NR4A3: variants seen among roughly 807,000 people sequenced by gnomAD.
NR4A3 encodes the protein chondrosarcoma, extraskeletal myxoid, fused to EWS.
In NR4A3, 13 loss-of-function variants were observed where a neutral mutation model predicts 55.6. That is an observed-to-expected ratio of 0.23 (90% CI 0.15 to 0.37). The LOEUF (loss-of-function observed/expected upper bound fraction) is 0.37. NR4A3 is among the 10% of genes least tolerant of loss of function. The probability of loss-of-function intolerance (pLI) is 1.00; values close to 1 mark genes in which losing one functional copy is unlikely to be tolerated. For missense variants in NR4A3, 646 were observed against 822.8 expected (o/e 0.79, Z 2.63); for synonymous variants, 342 against 357.9 (o/e 0.96, Z 0.50).
intron 7 of NR4A3, among the ~76,000 whole-genome samples, chr9:99,863,254 C>A (rs1253580853): frequency 6.6e-6 from 1 of 152,304 alleles, no homozygotes; most frequent in Non-Finnish European, 1.5e-5. Flanking sequence ...ATAATAACCA[C>A]CCTGCCATTC....
chr9:99,860,919 G>C (rs1038195227), intron 7 of NR4A3, among the ~76,000 whole-genome samples: 1 of 152,180 alleles, frequency 6.6e-6, no homozygotes, highest in Non-Finnish European at 1.5e-5. Context: ...CCATGGAGTT[G>C]GGTTTTATTA....
intron 3 of NR4A3, among the ~76,000 whole-genome samples, chr9:99,832,058 T>A (rs978031874): frequency 1.3e-5 from 2 of 152,202 alleles, no homozygotes; most frequent in Non-Finnish European, 2.9e-5. Flanking sequence ...TGATTTGTAA[T>A]AACTACTTTT....
chr9:99,829,057 A>T, intron 3 of NR4A3, 64 bp downstream of exon 3: 1 of 1,272,666 alleles, frequency 7.9e-7, no homozygotes, highest in Non-Finnish European at 9.9e-7. Flanking sequence ...CTTCTAAGTG[A>T]GTGTAGGAGC....
At chr9:99,834,404 GC>G (rs1193936965) in intron 5 of NR4A3, among the ~76,000 whole-genome samples, 3 of 152,180 alleles carry the variant, frequency 2.0e-5, no homozygotes, top group African/African-American at 7.2e-5. Flanking sequence ...GTTTCTATAT[GC>G]TAGACATTGT....
chr9:99,861,231 C>T (rs893146820), intron 7 of NR4A3, among the ~76,000 whole-genome samples: 6 of 152,198 alleles, frequency 3.9e-5, no homozygotes, highest in Non-Finnish European at 8.8e-5. Context: ...ATCATTATAA[C>T]ATATCAGGCC....
intron 7 of NR4A3, among the ~76,000 whole-genome samples, chr9:99,851,545 T>C (rs1344096565): frequency 6.6e-6 from 1 of 152,200 alleles, no homozygotes; most frequent in Non-Finnish European, 1.5e-5. Flanking sequence ...TGGCTTTTTT[T>C]TCTCTCATTC....
chr9:99,852,493 G>C (rs1425470675), intron 7 of NR4A3, among the ~76,000 whole-genome samples: 1 of 152,160 alleles, frequency 6.6e-6, no homozygotes, highest in Non-Finnish European at 1.5e-5. Context: ...AATTCTATGT[G>C]ATATTTACCT....
intron 7 of NR4A3, among the ~76,000 whole-genome samples, chr9:99,856,994 T>C (rs1241017501): frequency 6.6e-6 from 1 of 152,206 alleles, no homozygotes; most frequent in African/African-American, 2.4e-5. Flanking sequence ...TTGTTTAATG[T>C]TGCTTAATAA....
chr9:99,828,181 A>G lies in NR4A3; in HGVS notation c.139A>G (p.Ile47Val). ...GACCATGGACCTTGGCAGCACTGAG[A>G]TCACGGCTACAGCCACCACGTCCCT... ...KLTMDLGSTE[I>V]TATATTSLPS... Residue 47 changes from isoleucine (I) to valine (V), a missense_variant, in exon 3 of 8, where the codon ATC becomes GTC. By Grantham distance (29) the Ile-to-Val change is conservative. Transcript: ENST00000395097. The surrounding 1 kb of genome is among the most constrained non-coding windows in gnomAD (Gnocchi z 7.7). 1 of 1,614,084 alleles carries G rather than the reference A, an allele frequency of 6.2e-7. No individual in the cohort carries two copies. The highest frequency in any genetic ancestry group is 8.5e-7 in the Non-Finnish European group (1 of 1,180,004).
intron 4 of NR4A3, 113 bp downstream of exon 4, chr9:99,832,931 C>G (rs1483690509): frequency 2.1e-6 from 2 of 932,502 alleles, no homozygotes; most frequent in East Asian, 5.4e-5. Context: ...TTTTTCCTTT[C>G]AACATTTTAT....
intron 3 of NR4A3, among the ~76,000 whole-genome samples, chr9:99,832,081 T>C (rs1428304307): frequency 6.6e-6 from 1 of 152,192 alleles, no homozygotes; most frequent in Non-Finnish European, 1.5e-5. Context: ...GATTTTGCTT[T>C]GAAAAATCAG....
chr9:99,824,235 C>T (rs1249479855), intron 1 of NR4A3, among the ~76,000 whole-genome samples: 1 of 152,148 alleles, frequency 6.6e-6, no homozygotes, highest in East Asian at 1.9e-4. Context: ...CTCCCGCGAA[C>T]GCTGGGCGCT....
At chr9:99,860,959 A>G (rs764031710) in intron 7 of NR4A3, among the ~76,000 whole-genome samples, 6 of 152,262 alleles carry the variant, frequency 3.9e-5, no homozygotes, top group Admixed American at 6.5e-5. Flanking sequence ...AATTTATTAC[A>G]TAACATTGAA....
chr9:99,831,715 A>T (rs1038855677), intron 3 of NR4A3, among the ~76,000 whole-genome samples: 55 of 152,316 alleles, frequency 3.6e-4, no homozygotes, highest in African/African-American at 1.3e-3. Context: ...GAACAGTTTC[A>T]CCCTAAGTGG....
intron 3 of NR4A3, among the ~76,000 whole-genome samples, chr9:99,831,874 T>C (rs1827449916): frequency 6.6e-6 from 1 of 152,206 alleles, no homozygotes; most frequent in Non-Finnish European, 1.5e-5. Flanking sequence ...TATCCAACCT[T>C]AAGTTTTATG....
chr9:99,831,745 A>G (rs1212655925), intron 3 of NR4A3, among the ~76,000 whole-genome samples: 1 of 152,228 alleles, frequency 6.6e-6, no homozygotes, highest in East Asian at 1.9e-4. Context: ...GTTCATTTGC[A>G]CAAATGTTTT....
intron 5 of NR4A3, among the ~76,000 whole-genome samples, chr9:99,838,740 A>G (rs1827601895): frequency 6.6e-6 from 1 of 152,252 alleles, no homozygotes; most frequent in Non-Finnish European, 1.5e-5. Context: ...GCAGATTCCC[A>G]GGCCATACCC....
At chr9:99,840,997 C>T (rs1827640140) in intron 5 of NR4A3, among the ~76,000 whole-genome samples, 1 of 152,082 alleles carries the variant, frequency 6.6e-6, no homozygotes, top group African/African-American at 2.4e-5. Flanking sequence ...CTTTGGGAGG[C>T]CAAGGCAGGT....
rs1131339 is a variant in NR4A3, at chr9:99,865,020, A to G, written c.*1153A>G. On this transcript the variant is annotated 3_prime_UTR_variant, in exon 8 of 8. Transcript: ENST00000395097. The surrounding 1 kb of genome is among the most constrained non-coding windows in gnomAD (Gnocchi z 4.3). ...AATGTGAATACTAGAAAAGATTTAA[A>G]AAATAGTATGAGTGTGAGTACTAGG... 93,523 of 201,244 alleles carry G rather than the reference A, an allele frequency of 0.46. 23,138 individuals carry two copies. Among genetic ancestry groups the G allele is most frequent in the Non-Finnish European group, 0.56 (54,410 of 97,502 alleles). The allele number at this position is 201,244 out of a possible 1,614,324, so 12.5% of individuals were successfully genotyped here. A position where few individuals can be genotyped will look rare whatever the true frequency, so the allele number is the denominator to read the frequency against.
Sources: gnomAD v4.1 joint callset for allele counts (sites outside exome capture counted in the v4.1 genomes callset) on GRCh38, gnomAD v4.1.1 for gene constraint, Gnocchi (gnomAD v3.1) non-coding constraint, MANE v1.5 for transcripts, NCBI Gene and HGNC (gene_info 2026-07-23, HGNC 2026-07-21) for gene names.